Variants in RTP1 observed in about 807,000 individuals in gnomAD.
RTP1 encodes receptor-transporting protein 1.
A neutral mutation model predicts 27.1 loss-of-function variants in RTP1; 24 were observed. The ratio of observed to expected loss-of-function variants is 0.89; its 90% CI spans 0.64 to 1.25. The LOEUF (loss-of-function observed/expected upper bound fraction) is 1.25, where lower values mean the gene tolerates loss of function less well. RTP1 is among the 50% of genes most tolerant of loss of function. The pLI is 0.00. For missense variants in RTP1, 338 were observed against 351.6 expected (o/e 0.96, Z 0.31); for synonymous variants, 148 against 148.1 (o/e 1.00, Z 0.00).
Position 187,197,765 on chromosome 3 carries a change from C to T in RTP1, c.250C>T (p.Leu84=), listed in dbSNP as rs1374919337. ...NVLSPGWKQY[L]ELHASGRFHC... is the part of the protein sequence containing the mutation. ...GCTGAGCCCTGGTTGGAAGCAGTAC[C>T]TGGAATTGCATGCTTCAGGCAGGTG... The change falls in exon 1 of 2, where the codon CTG becomes TTG. Residue 84 remains leucine, a synonymous_variant. Coordinates refer to ENST00000312295, the MANE Select transcript of RTP1 (RefSeq NM_153708.3). 6.2e-7 allele frequency: 1 copy of T among 1,613,600 alleles called. No homozygotes were observed. The highest frequency in any genetic ancestry group is 1.7e-5 in the Admixed American group (1 of 60,030).
intron 1 of RTP1, chr3:187,198,107 C>T (rs1721636322): frequency 4.0e-6 from 1 of 249,698 alleles, no homozygotes; most frequent in Non-Finnish European, 7.7e-6. Context: ...TTAACAGTCT[C>T]TTAAAAAGTA....
intron 1 of RTP1, chr3:187,199,260 A>C: frequency 2.4e-6 from 1 of 411,944 alleles, no homozygotes; most frequent in Non-Finnish European, 4.4e-6. Flanking sequence ...CCCATGAGGA[A>C]TAAGAATGAC....
In RTP1 at chr3:187,197,870, C is replaced by T. The variant is rs184352040; in HGVS notation, c.272+83C>T. ...GCACCTTCCAAGGAGAGGAAGATTACGTAGAACCCAAGTGTTTAGCTTCAA... is the reference window on the plus strand; with the variant it reads ...GCACCTTCCAAGGAGAGGAAGATTATGTAGAACCCAAGTGTTTAGCTTCAA... On this transcript the variant is annotated intron_variant, in intron 1 of 1. Coordinates refer to ENST00000312295, the MANE Select transcript of RTP1 (RefSeq NM_153708.3). 232 of 1,369,752 alleles carry T rather than the reference C, an allele frequency of 1.7e-4. No homozygotes were observed. The Admixed American group carries it at 3.7e-3, about 22-fold the overall frequency. The allele number at this position is 1,369,752 out of a possible 1,614,324, so 84.8% of individuals were successfully genotyped here.
In RTP1 at chr3:187,197,811, C is replaced by T. The variant is rs529199615; in HGVS notation, c.272+24C>T. On this transcript the variant is annotated intron_variant, in intron 1 of 1. Coordinates refer to ENST00000312295, the MANE Select transcript of RTP1 (RefSeq NM_153708.3). ...AGGTGAGTAGCCCAGGAAGGTGGAT[C>T]CCTGCAGGCCGCCTCTAGGTCCCTA... The T allele has an allele frequency of 1.4e-4, 220 of 1,601,712 alleles. 5 individuals carry two copies. The South Asian group carries it at 2.4e-3, about 17-fold the overall frequency.
rs1400045368 is a variant in RTP1, at chr3:187,200,001, G to A, written c.723G>A (p.Trp241Ter). The A allele has an allele frequency of 1.3e-6, 2 of 1,549,920 alleles. No homozygotes were observed. The highest frequency in any genetic ancestry group is 2.0e-5 in the Admixed American group (1 of 49,232). ...GSGWNFCSIP[W>*]CLFWATVLLL... The stretch of plus-strand genomic sequence containing the variant: ...GCTGGAACTTCTGCTCTATCCCCTG[G>A]TGCTTGTTTTGGGCCACGGTCCTGC... Residue 241 changes from tryptophan (W) to a stop codon, truncating the protein, a stop_gained, in exon 2 of 2, where the codon TGG becomes TGA. Transcript: ENST00000312295. LOFTEE classifies it high-confidence loss of function.
At chr3:187,197,835 T>G (rs966624261) in intron 1 of RTP1, 48 bp downstream of exon 1, 1 of 1,572,198 alleles carries the variant, frequency 6.4e-7, no homozygotes, top group Non-Finnish European at 8.7e-7. Flanking sequence ...TCTAGGTCCC[T>G]AGCTCTGGGG....
At position 187,200,124 on chromosome 3, in the gene RTP1, G is replaced by A. The variant is rs1203594733; in HGVS notation, c.*54G>A. 1.4e-6 allele frequency: 2 copies of A among 1,458,716 alleles called. No individual in the cohort carries two copies. The highest frequency in any genetic ancestry group is 2.8e-5 in the African/African-American group (2 of 70,922). 90.4% of individuals were successfully genotyped at this position (1,458,716 alleles called of 1,614,324 possible). The stretch of plus-strand genomic sequence containing the variant: ...GAGGGTGCCAGTTAGCTGATGCGAG[G>A]GTAGAGGAGAGACGTGGGTTGAGAA... On this transcript the variant is annotated 3_prime_UTR_variant, in exon 2 of 2. Transcript: ENST00000312295.
Position 187,200,075 on chromosome 3 carries a change from C to G in RTP1, c.*5C>G. 1 of 1,502,200 alleles carries G rather than the reference C, an allele frequency of 6.7e-7. No homozygotes were observed. Among genetic ancestry groups the G allele is most frequent in the Non-Finnish European group, 8.9e-7 (1 of 1,123,810 alleles). The allele number at this position is 1,502,200 out of a possible 1,614,324, so 93.1% of individuals were successfully genotyped here. A position where few individuals can be genotyped will look rare whatever the true frequency, so the allele number is the denominator to read the frequency against. The stretch of plus-strand genomic sequence containing the variant: ...TCTTTCCGTAGCTCCGTATAAGATT[C>G]CGTGGTTGGGCCCAGAGCCTGTCGA... On this transcript the variant is annotated 3_prime_UTR_variant, in exon 2 of 2. Coordinates refer to ENST00000312295, the MANE Select transcript of RTP1 (RefSeq NM_153708.3).
Position 187,199,808 on chromosome 3 carries a change from T to C in RTP1, c.530T>C (p.Val177Ala), listed in dbSNP as rs767985270. ...GERGGQYRIH[V>A]ASRQDNRRHR... Reference sequence around the variant, plus strand: ...CGTGGCGGCCAGTACCGCATCCACGTGGCCAGCCGCCAGGACAACCGGCGG... The same window carrying C: ...CGTGGCGGCCAGTACCGCATCCACGCGGCCAGCCGCCAGGACAACCGGCGG... The change falls in exon 2 of 2, where the codon GTG (valine) becomes GCG (alanine). Residue 177 changes from valine to alanine, a missense_variant. Transcript: ENST00000312295. 6.2e-7 allele frequency: 1 copy of C among 1,609,650 alleles called. No individual in the cohort carries two copies. Among genetic ancestry groups the C allele is most frequent in the Non-Finnish European group, 8.5e-7 (1 of 1,176,774 alleles).
At position 187,199,933 on chromosome 3, in the gene RTP1, C is replaced by A; in HGVS notation, c.655C>A (p.Arg219=). 1 of 1,596,174 alleles carries A rather than the reference C, an allele frequency of 6.3e-7. No homozygotes were observed. Among genetic ancestry groups the A allele is most frequent in the East Asian group, 2.2e-5 (1 of 44,628 alleles). The part of the protein sequence containing the change: ...EEEATTYTFS[R]APSPTKSQDQ... The stretch of plus-strand genomic sequence containing the variant: ...GGAGGCGACCACCTACACCTTCTCC[C>A]GGGCGCCCAGCCCCACCAAGTCGCA... Residue 219 remains arginine, a synonymous_variant, in exon 2 of 2, where the codon CGG becomes AGG. Transcript: ENST00000312295.
intron 1 of RTP1, among the ~76,000 whole-genome samples, chr3:187,198,945 T>A (rs1276767204): frequency 6.6e-6 from 1 of 152,006 alleles, no homozygotes; most frequent in African/African-American, 2.4e-5. Flanking sequence ...GGGGGCTGAG[T>A]GGGGAGGGCT....
At position 187,199,894 on chromosome 3, in the gene RTP1, A is replaced by G; in HGVS notation, c.616A>G (p.Lys206Glu). The stretch of plus-strand genomic sequence containing the variant: ...CATCGTGCACTGGAAGCCCAGCGAG[A>G]AGCTGCTGGAGGAGGAGGCGACCAC... ...EGIVHWKPSE[K>E]LLEEEATTYT... The change falls in exon 2 of 2, where the codon AAG (lysine) becomes GAG (glutamate). Residue 206 changes from lysine to glutamate, a missense_variant. Physicochemically the swap from Lys to Glu is moderately conservative, Grantham distance 56. Around this residue, in one of 3 missense-constraint regions of RTP1, gnomAD observed 252 missense variants for 231.5 expected, o/e 1.09. Coordinates refer to ENST00000312295, the MANE Select transcript of RTP1 (RefSeq NM_153708.3). 2 of 1,592,034 alleles carry G rather than the reference A, an allele frequency of 1.3e-6. No homozygotes were observed. The highest frequency in any genetic ancestry group is 1.7e-6 in the Non-Finnish European group (2 of 1,164,910).
Position 187,200,251 on chromosome 3 carries a change from A to AT in RTP1, c.*183dup, listed in dbSNP as rs1721695791. ...TAAAACTCAGGGTTTGGGCAAGATC[A>AT]TTGGTTTATCATAGTGAAACCCAGG... On this transcript the variant is annotated 3_prime_UTR_variant, in exon 2 of 2. Coordinates refer to ENST00000312295, the MANE Select transcript of RTP1 (RefSeq NM_153708.3). 1 of 522,454 alleles carries AT rather than the reference A, an allele frequency of 1.9e-6. No individual in the cohort carries two copies. Among genetic ancestry groups the AT allele is most frequent in the Non-Finnish European group, 3.0e-6 (1 of 331,224 alleles). The allele number at this position is 522,454 out of a possible 1,614,324, so 32.4% of individuals were successfully genotyped here.
Position 187,199,688 on chromosome 3 carries a change from C to T in RTP1, c.410C>T (p.Thr137Met). The T allele has an allele frequency of 1.2e-6, 2 of 1,612,408 alleles. No homozygotes were observed. The highest frequency in any genetic ancestry group is 1.7e-6 in the Non-Finnish European group (2 of 1,178,700). ...AAGCAGCTGTGCTATGAGTGCGGCA[C>T]GGCGCGGCTGGACGAGTCCAGCATG... ...VFKQLCYECGTARLDESSMLE... is the reference protein window; with the variant it reads ...VFKQLCYECGMARLDESSMLE... The change falls in exon 2 of 2, where the codon ACG becomes ATG. Residue 137 changes from threonine to methionine, a missense_variant. By Grantham distance (81) the Thr-to-Met change is moderately conservative. Transcript: ENST00000312295.
rs1488791051 is a variant in RTP1 at position 187,199,967 on chromosome 3, C to T, written c.689C>T (p.Thr230Met). The change falls in exon 2 of 2, where the codon ACG becomes ATG. Residue 230 changes from threonine to methionine, a missense_variant. Physicochemically the swap from Thr to Met is moderately conservative, Grantham distance 81. This residue lies in a region of RTP1 where 252 missense variants were observed against 231.5 expected (regional missense o/e 1.09). Transcript: ENST00000312295. ...APSPTKSQDQ[T>M]GSGWNFCSIP... ...AGCCCCACCAAGTCGCAGGACCAGA[C>T]GGGCTCAGGCTGGAACTTCTGCTCT... The T allele has an allele frequency of 6.3e-7, 1 of 1,588,768 alleles. No homozygotes were observed. Among genetic ancestry groups the T allele is most frequent in the East Asian group, 2.2e-5 (1 of 44,576 alleles).
chr3:187,197,536 G>A lies in RTP1; in HGVS notation c.21G>A (p.Trp7Ter), dbSNP rs1289165873. The A allele has an allele frequency of 1.2e-6, 2 of 1,614,096 alleles. No individual in the cohort carries two copies. Among genetic ancestry groups the A allele is most frequent in the South Asian group, 1.1e-5 (1 of 91,064 alleles). MRIFRP[W>*]RLRCPALHLP... is the part of the protein sequence containing the mutation. ...TGTCGATGAGGATTTTTAGACCGTGGAGACTGCGCTGCCCTGCCCTGCACC... is the reference window on the plus strand; with the variant it reads ...TGTCGATGAGGATTTTTAGACCGTGAAGACTGCGCTGCCCTGCCCTGCACC... The change falls in exon 1 of 2, where the codon TGG becomes TGA. Residue 7 changes from tryptophan to a stop codon, truncating the protein, a stop_gained. Transcript: ENST00000312295. LOFTEE classifies it high-confidence loss of function.
chr3:187,198,126 C>G (rs2108487700), intron 1 of RTP1: 1 of 212,166 alleles, frequency 4.7e-6, no homozygotes. Flanking sequence ...TAGTTTAAAA[C>G]CAGAGAAGAA....
chr3:187,198,033 G>T (rs1220668558), intron 1 of RTP1: 5 of 497,530 alleles, frequency 1.0e-5, no homozygotes, highest in Admixed American at 1.0e-4. Flanking sequence ...TTTTCCGTCT[G>T]GAAAATAAAG....
chr3:187,197,826 C>T, intron 1 of RTP1, 39 bp downstream of exon 1: 2 of 1,589,426 alleles, frequency 1.3e-6, no homozygotes, highest in East Asian at 4.5e-5. Flanking sequence ...CAGGCCGCCT[C>T]TAGGTCCCTA....
Sources: gnomAD v4.1 joint callset for allele counts (sites outside exome capture counted in the v4.1 genomes callset) on GRCh38, gnomAD v4.1.1 for gene constraint, gnomAD v4.1.1 regional missense constraint, MANE v1.5 for transcripts, NCBI Gene and HGNC (gene_info 2026-07-23, HGNC 2026-07-21) for gene names.